ENOX1: variants seen among roughly 807,000 people sequenced by gnomAD.
The protein encoded by ENOX1 is ecto-NOX disulfide-thiol exchanger 1, also known as candidate growth-related and time keeping constitutive hydroquinone (NADH) oxidase.
A neutral mutation model predicts 82.5 loss-of-function variants in ENOX1; 42 were observed. The ratio of observed to expected loss-of-function variants is 0.51; its 90% confidence interval spans 0.40 to 0.66. ENOX1 has a LOEUF of 0.66. Ranked by LOEUF, ENOX1 falls within the 30% of genes least tolerant of loss-of-function variation. ENOX1 has a pLI of 0.00. For missense variants in ENOX1, 608 were observed against 811.6 expected (o/e 0.75, Z 3.05); for synonymous variants, 271 against 282.2 (o/e 0.96, Z 0.40).
intron 9 of ENOX1, among the ~76,000 whole-genome samples, chr13:43,328,737 A>G (rs932129457): frequency 6.6e-6 from 1 of 152,198 alleles, no homozygotes; most frequent in Non-Finnish European, 1.5e-5. Flanking sequence ...TACTCAAGCC[A>G]TGTGCTATTA....
At chr13:43,521,398 A>T (rs2077762668) in intron 2 of ENOX1, among the ~76,000 whole-genome samples, 1 of 152,022 alleles carries the variant, frequency 6.6e-6, no homozygotes, top group Non-Finnish European at 1.5e-5. Context: ...TTATCCAAAG[A>T]CTGATATCAG....
At position 43,337,792 on chromosome 13, in the gene ENOX1, C is replaced by A. The variant is rs534960097; in HGVS notation, c.1036+6746G>T. Among the ~76,000 whole-genome samples the A allele has an allele frequency of 6.6e-5, 10 of 152,104 alleles. No homozygotes were observed. The South Asian group carries it at 1.9e-3, about 28-fold the overall frequency. ...TTAGAAAGCAAACTGTACAAGGAGCCAAGAGTCTTGGTTCTAAACTGCCCA... is the reference window on the plus strand; with the variant it reads ...TTAGAAAGCAAACTGTACAAGGAGCAAAGAGTCTTGGTTCTAAACTGCCCA... On this transcript the variant is annotated intron_variant, in intron 9 of 16. Transcript: ENST00000690772.
chr13:43,263,189 A>T (rs1049415827), intron 14 of ENOX1, among the ~76,000 whole-genome samples: 3 of 152,220 alleles, frequency 2.0e-5, no homozygotes, highest in Non-Finnish European at 1.5e-5. Context: ...TGAGTAAGTA[A>T]TCCACCACCT....
At chr13:43,663,607 T>C (rs773939050) in intron 2 of ENOX1, among the ~76,000 whole-genome samples, 8 of 152,124 alleles carry the variant, frequency 5.3e-5, no homozygotes, top group Non-Finnish European at 7.4e-5. Context: ...TTCTCCCACA[T>C]AAATTATAAT....
chr13:43,464,306 T>G (rs2057623142), intron 3 of ENOX1, among the ~76,000 whole-genome samples: 1 of 152,026 alleles, frequency 6.6e-6, no homozygotes, highest in African/African-American at 2.4e-5. Context: ...GGTCAACAGA[T>G]GATGAAGATG....
At chr13:43,594,190 C>A (rs765028062) in intron 2 of ENOX1, among the ~76,000 whole-genome samples, 5 of 152,156 alleles carry the variant, frequency 3.3e-5, no homozygotes, top group Non-Finnish European at 5.9e-5. Context: ...TGGTATAATT[C>A]TTTGATTTGG....
chr13:43,511,173 C>A (rs1265563460), intron 2 of ENOX1, among the ~76,000 whole-genome samples: 1 of 152,084 alleles, frequency 6.6e-6, no homozygotes, highest in African/African-American at 2.4e-5. Flanking sequence ...ATAGAAGCAG[C>A]CTCAGGCTCT....
intron 11 of ENOX1, among the ~76,000 whole-genome samples, chr13:43,311,482 T>G (rs1419406447): frequency 6.6e-6 from 1 of 152,170 alleles, no homozygotes; most frequent in Admixed American, 6.5e-5. Context: ...CCATGTACAA[T>G]GTAGTGGGCT....
intron 3 of ENOX1, among the ~76,000 whole-genome samples, chr13:43,481,956 G>A (rs1286389799): frequency 1.3e-5 from 2 of 152,212 alleles, no homozygotes; most frequent in South Asian, 2.1e-4. Flanking sequence ...AAACCACAAC[G>A]AAGTATCACC....
At chr13:43,450,456 G>A (rs755480944) in intron 3 of ENOX1, among the ~76,000 whole-genome samples, 7 of 152,162 alleles carry the variant, frequency 4.6e-5, no homozygotes, top group Non-Finnish European at 8.8e-5. Context: ...GTTCCAAGAA[G>A]AGCAGGCATG....
At chr13:43,433,880 A>G (rs2055838683) in intron 3 of ENOX1, among the ~76,000 whole-genome samples, 1 of 152,198 alleles carries the variant, frequency 6.6e-6, no homozygotes, top group African/African-American at 2.4e-5. Context: ...GTAAGCTCAG[A>G]GGAATGTGCT....
chr13:43,253,638 C>G (rs536592840), intron 14 of ENOX1, among the ~76,000 whole-genome samples: 1 of 152,202 alleles, frequency 6.6e-6, no homozygotes, highest in Non-Finnish European at 1.5e-5. Flanking sequence ...TAATCTAAAT[C>G]ATAAAAACAA....
intron 3 of ENOX1, among the ~76,000 whole-genome samples, chr13:43,458,186 A>G (rs2057313523): frequency 6.6e-6 from 1 of 152,208 alleles, no homozygotes; most frequent in Non-Finnish European, 1.5e-5. Context: ...GAGCTTAACA[A>G]AAAGCTTGAC....
At chr13:43,334,431 T>G (rs1263502452) in intron 9 of ENOX1, among the ~76,000 whole-genome samples, 1 of 152,104 alleles carries the variant, frequency 6.6e-6, no homozygotes, top group African/African-American at 2.4e-5. Context: ...ACACTGGGGA[T>G]AAAAAGGGCC....
chr13:43,575,604 G>T (rs1250937626), intron 2 of ENOX1, among the ~76,000 whole-genome samples: 2 of 152,144 alleles, frequency 1.3e-5, no homozygotes, highest in Non-Finnish European at 2.9e-5. Flanking sequence ...TTCTCAAGAG[G>T]ATTATAACAC....
Position 43,359,846 on chromosome 13 carries a change from A to G in ENOX1, c.589+5T>C, listed in dbSNP as rs769060437. 6.2e-7 allele frequency: 1 copy of G among 1,613,532 alleles called. No homozygotes were observed. Among genetic ancestry groups the G allele is most frequent in the Non-Finnish European group, 8.5e-7 (1 of 1,179,546 alleles). On this transcript the variant is annotated splice_donor_5th_base_variant and intron_variant, in intron 7 of 16. Transcript: ENST00000690772. ...CTAGAAAACTCCTTATGTAATGCAA[A>G]GTACCAGAAAGGTAAATGGCTTTAT...
intron 2 of ENOX1, among the ~76,000 whole-genome samples, chr13:43,581,122 A>ATTCT (rs2080706026): frequency 1.2e-5 from 1 of 85,102 alleles, no homozygotes; most frequent in Non-Finnish European, 2.5e-5. Flanking sequence ...GCACTACCTG[A>ATTCT]TTCTTTTTTT....
At chr13:43,333,380 A>G (rs892338700) in intron 9 of ENOX1, among the ~76,000 whole-genome samples, 1 of 152,192 alleles carries the variant, frequency 6.6e-6, no homozygotes, top group African/African-American at 2.4e-5. Context: ...ATGGTAACCA[A>G]TTGTCTGCAC....
intron 3 of ENOX1, among the ~76,000 whole-genome samples, chr13:43,448,597 T>C (rs1566247675): frequency 6.6e-6 from 1 of 152,174 alleles, no homozygotes; most frequent in Non-Finnish European, 1.5e-5. Context: ...CAAAGAGCAA[T>C]CCAGTAGTAC....
Sources: gnomAD v4.1 joint callset for allele counts (sites outside exome capture counted in the v4.1 genomes callset) on GRCh38, gnomAD v4.1.1 for gene constraint, MANE v1.5 for transcripts, NCBI Gene and HGNC (gene_info 2026-07-23, HGNC 2026-07-21) for gene names.